Variants in CLDN14 observed in about 807,000 individuals in gnomAD.
The protein encoded by CLDN14 is claudin-14.
A neutral mutation model predicts 2.1 loss-of-function variants in CLDN14; 2 were observed. That is an observed-to-expected ratio of 0.96 (90% confidence interval 0.39 to 3.01). The LOEUF (loss-of-function observed/expected upper bound fraction) is 3.01. Among genes scored for constraint, CLDN14 ranks in the 30% most tolerant of loss-of-function variants. The pLI is 0.09. For synonymous variants in CLDN14, 136 were observed against 154.4 expected, an observed-to-expected ratio of 0.88 and a Z score of 0.88; for missense variants, 298 against 328.0, an observed-to-expected ratio of 0.91 and a Z score of 0.71.
At chr21:36,558,444 G>A (rs776163284) in intron 1 of CLDN14, among the ~76,000 whole-genome samples, 5 of 151,820 alleles carry the variant, frequency 3.3e-5, no homozygotes, top group Non-Finnish European at 5.9e-5. Flanking sequence ...ATTTATTTGT[G>A]TCTTCTCCAA....
chr21:36,532,799 A>G (rs923748296), intron 1 of CLDN14, among the ~76,000 whole-genome samples: 1 of 152,154 alleles, frequency 6.6e-6, no homozygotes, highest in East Asian at 1.9e-4. Context: ...GATCAGAAAT[A>G]TATTTGTCTA....
At position 36,461,458 on chromosome 21, in the gene CLDN14, C is replaced by A; in HGVS notation, c.238G>T (p.Ala80Ser). Residue 80 changes from alanine (A) to serine (S), a missense_variant, in exon 2 of 2, where the codon GCC (alanine) becomes TCC (serine). Physicochemically the swap from Ala to Ser is moderately conservative, Grantham distance 99 (BLOSUM62 1). Transcript: ENST00000399135. The part of the protein sequence containing the change: ...LLALPQDLQA[A>S]RALMVISCLL... ...CAGGAGATGACCATGAGGGCGCGGG[C>A]AGCCTGGAGGTCTTGGGGCAGCGCC... 1 of 1,613,352 alleles carries A rather than the reference C, an allele frequency of 6.2e-7. No homozygotes were observed. Among genetic ancestry groups the A allele is most frequent in the Non-Finnish European group, 8.5e-7 (1 of 1,180,000 alleles).
intron 2 of CLDN14, chr21:36,486,471 T>C: frequency 1.3e-6 from 2 of 1,545,424 alleles, no homozygotes; most frequent in Non-Finnish European, 1.8e-6. Flanking sequence ...GGATCAGCAC[T>C]GGGATCTACT....
Position 36,461,398 on chromosome 21 carries a change from T to A in CLDN14, c.298A>T (p.Ile100Phe). 1 of 1,613,250 alleles carries A rather than the reference T, an allele frequency of 6.2e-7. No individual in the cohort carries two copies. Among genetic ancestry groups the A allele is most frequent in the Non-Finnish European group, 8.5e-7 (1 of 1,179,964 alleles). ...GCGCAGCGCGTGCACTTCATCCCGA[T>A]GACGGCGCAGGCGCAGGCTATGCCC... Reference protein sequence around the residue: ...LSGIACACAVIGMKCTRCAKG... With the variant: ...LSGIACACAVFGMKCTRCAKG... Residue 100 changes from isoleucine (I) to phenylalanine (F), a missense_variant, in exon 2 of 2, where the codon ATC becomes TTC. Coordinates refer to ENST00000399135, the MANE Select transcript of CLDN14 (RefSeq NM_001146079.2).
intron 1 of CLDN14, among the ~76,000 whole-genome samples, chr21:36,538,795 G>A (rs2087454108): frequency 6.6e-6 from 1 of 152,182 alleles, no homozygotes; most frequent in Non-Finnish European, 1.5e-5. Context: ...GATTGCTGCA[G>A]GTATGACATC....
chr21:36,488,412 C>T (rs566424143), intron 2 of CLDN14, among the ~76,000 whole-genome samples: 1 of 152,244 alleles, frequency 6.6e-6, no homozygotes, highest in African/African-American at 2.4e-5. Flanking sequence ...GCTGGGATTA[C>T]AGGCACGTGC....
chr21:36,484,875 G>C (rs1285055875), upstream of CLDN14, among the ~76,000 whole-genome samples: 2 of 152,110 alleles, frequency 1.3e-5, no homozygotes, highest in Non-Finnish European at 2.9e-5. Flanking sequence ...GCCATGCCTG[G>C]CTAATTTTGT....
Position 36,461,252 on chromosome 21 carries a change from G to T in CLDN14, c.444C>A (p.Tyr148Ter). ...TCATGCCGCTGGGCAGCAGCGGGTT[G>T]TAGAAGTTCTGCACCACGTCGTTGG... ...WTTNDVVQNF[Y>*]NPLLPSGMKF... Residue 148 changes from tyrosine (Y) to a stop codon, truncating the protein, a stop_gained, in exon 2 of 2, where the codon TAC (tyrosine) becomes TAA (stop). Transcript: ENST00000399135. LOFTEE classifies it low-confidence loss of function (END_TRUNC). 1 of 1,613,980 alleles carries T rather than the reference G, an allele frequency of 6.2e-7. No homozygotes were observed. The highest frequency in any genetic ancestry group is 8.5e-7 in the Non-Finnish European group (1 of 1,180,020).
At chr21:36,550,988 GCA>G (rs1490558195) in intron 1 of CLDN14, among the ~76,000 whole-genome samples, 1 of 152,218 alleles carries the variant, frequency 6.6e-6, no homozygotes, top group Admixed American at 6.5e-5. Context: ...TTAGAAGCAG[GCA>G]CCAGGGGAAG....
At chr21:36,533,708 G>C (rs1470566816) in intron 1 of CLDN14, among the ~76,000 whole-genome samples, 2 of 152,162 alleles carry the variant, frequency 1.3e-5, no homozygotes, top group Non-Finnish European at 2.9e-5. Context: ...GGTGGAGCTG[G>C]AGGCCATTAT....
intron 1 of CLDN14, among the ~76,000 whole-genome samples, chr21:36,566,711 T>C (rs1364837666): frequency 6.6e-6 from 1 of 152,244 alleles, no homozygotes; most frequent in East Asian, 1.9e-4. Context: ...TTTTCTTATG[T>C]GCACATCAAG....
chr21:36,549,375 C>G (rs1408402407), intron 1 of CLDN14, among the ~76,000 whole-genome samples: 1 of 151,882 alleles, frequency 6.6e-6, no homozygotes, highest in Non-Finnish European at 1.5e-5. Flanking sequence ...GAAAATGCTG[C>G]AAAATGAGAA....
At chr21:36,554,140 C>T (rs1228298169) in intron 1 of CLDN14, among the ~76,000 whole-genome samples, 1 of 152,168 alleles carries the variant, frequency 6.6e-6, no homozygotes, top group African/African-American at 2.4e-5. Context: ...CTGGATGTGT[C>T]TGCCTTGTTC....
chr21:36,461,025 G>A lies in CLDN14; in HGVS notation c.671C>T (p.Ser224Leu). The change falls in exon 2 of 2, where the codon TCA (serine) becomes TTA (leucine). Residue 224 changes from serine (S) to leucine (L), a missense_variant. Physicochemically the swap from Ser to Leu is moderately radical, Grantham distance 145. Transcript: ENST00000399135. The stretch of plus-strand genomic sequence containing the variant: ...CCCGCTGTGCGTGGCCGAGGTCACT[G>A]AGGGGGCCCGATTGTCTTTGTAGGC... ...PAAYKDNRAP[S>L]VTSATHSGYR... 1.9e-6 allele frequency: 3 copies of A among 1,613,614 alleles called. No individual in the cohort carries two copies. The highest frequency in any genetic ancestry group is 2.5e-6 in the Non-Finnish European group (3 of 1,179,980).
At chr21:36,550,914 G>A (rs2087559171) in intron 1 of CLDN14, among the ~76,000 whole-genome samples, 1 of 152,194 alleles carries the variant, frequency 6.6e-6, no homozygotes, top group African/African-American at 2.4e-5. Flanking sequence ...TAGGATTGTT[G>A]CAGATGGTGA....
intron 1 of CLDN14, among the ~76,000 whole-genome samples, chr21:36,468,891 C>A (rs1225199321): frequency 6.6e-6 from 1 of 151,920 alleles, no homozygotes; most frequent in African/African-American, 2.4e-5. Context: ...TCCAGAGTAG[C>A]TGGGATTACA....
upstream of CLDN14, among the ~76,000 whole-genome samples, chr21:36,483,243 G>A (rs1261782074): frequency 1.3e-5 from 2 of 151,740 alleles, no homozygotes; most frequent in Non-Finnish European, 2.9e-5. Context: ...GCCAGGTGGT[G>A]TTGTTTCTGA....
intron 1 of CLDN14, among the ~76,000 whole-genome samples, chr21:36,521,422 G>T (rs2087269388): frequency 6.6e-6 from 1 of 152,230 alleles, no homozygotes; most frequent in Admixed American, 6.5e-5. Flanking sequence ...AGGAGAGTTG[G>T]TGGCTTGCTG....
intron 1 of CLDN14, among the ~76,000 whole-genome samples, chr21:36,535,736 T>G (rs186397475): frequency 1.9e-3 from 283 of 152,232 alleles, no homozygotes; most frequent in Non-Finnish European, 3.2e-3. Context: ...CATGGGGAAT[T>G]TTTTCTCTGT....
Sources: gnomAD v4.1 joint callset for allele counts (sites outside exome capture counted in the v4.1 genomes callset) on GRCh38, gnomAD v4.1.1 for gene constraint, MANE v1.5 for transcripts, NCBI Gene and HGNC (gene_info 2026-07-23, HGNC 2026-07-21) for gene names.